VPS53: variants seen among roughly 807,000 people sequenced by gnomAD.
VPS53 encodes the protein VPS53 subunit of GARP complex.
VPS53 carries 70 observed loss-of-function variants against 107.0 expected under a neutral mutation model. That is an observed-to-expected ratio of 0.65 (90% CI 0.54 to 0.80). The LOEUF (loss-of-function observed/expected upper bound fraction) is 0.80. Ranked by LOEUF, VPS53 falls within the 30% of genes least tolerant of loss-of-function variation. The pLI, the probability that VPS53 is intolerant of heterozygous loss-of-function variation, is 0.00. For synonymous variants in VPS53, 409 were observed against 393.3 expected (o/e 1.04, Z -0.47); for missense variants, 917 against 1,049.4 (o/e 0.87, Z 1.74).
intron 12 of VPS53, among the ~76,000 whole-genome samples, chr17:590,032 T>C (rs1335193782): frequency 2.6e-5 from 4 of 152,214 alleles, no homozygotes; most frequent in Admixed American, 6.5e-5. Flanking sequence ...TCCCATTTGT[T>C]TGTATCCTCT....
chr17:682,849 TA>T (rs1175568142), intron 4 of VPS53, among the ~76,000 whole-genome samples: 6 of 135,012 alleles, frequency 4.4e-5, no homozygotes, highest in African/African-American at 1.9e-4. Context: ...TTGGTATAAA[TA>T]TTAGATAGGC....
intron 17 of VPS53, among the ~76,000 whole-genome samples, chr17:550,345 A>G (rs1274387705): frequency 1.3e-5 from 2 of 152,218 alleles, no homozygotes; most frequent in Admixed American, 6.5e-5. Flanking sequence ...ACAAGAGCCT[A>G]TGACTCTAGA....
intron 2 of VPS53, among the ~76,000 whole-genome samples, chr17:706,503 T>C (rs1331371816): frequency 6.6e-6 from 1 of 150,446 alleles, no homozygotes; most frequent in Non-Finnish European, 1.5e-5. Context: ...TGCTACTGCA[T>C]TCCATCCTGG....
chr17:530,845 A>G (rs970206767), intron 19 of VPS53, among the ~76,000 whole-genome samples: 1 of 152,202 alleles, frequency 6.6e-6, no homozygotes, highest in African/African-American at 2.4e-5. Flanking sequence ...GGGCCCAAAG[A>G]TAAAGAACTC....
chr17:610,687 G>A (rs542913025), intron 11 of VPS53, among the ~76,000 whole-genome samples: 10 of 151,608 alleles, frequency 6.6e-5, no homozygotes, highest in South Asian at 2.1e-4. Flanking sequence ...AGGTCGAGGC[G>A]GGTGGATCAC....
At chr17:596,377 C>T (rs534494650) in intron 12 of VPS53, among the ~76,000 whole-genome samples, 1 of 151,926 alleles carries the variant, frequency 6.6e-6, no homozygotes, top group East Asian at 1.9e-4. Flanking sequence ...TGCCACAGGC[C>T]CTGCCCTTGA....
At chr17:631,439 G>C (rs746860421) in intron 8 of VPS53, 111 bp downstream of exon 8, 2 of 1,137,638 alleles carry the variant, frequency 1.8e-6, no homozygotes, top group African/African-American at 3.0e-5. Flanking sequence ...AGAAGGATTT[G>C]CAGCTGCCAG....
At chr17:618,417 A>T (rs1969266848) in intron 11 of VPS53, among the ~76,000 whole-genome samples, 1 of 124,988 alleles carries the variant, frequency 8.0e-6, no homozygotes, top group Non-Finnish European at 1.7e-5. Flanking sequence ...CGCCCCACTA[A>T]TATTTCCCGG....
intron 4 of VPS53, among the ~76,000 whole-genome samples, chr17:668,268 C>T (rs1047519680): frequency 6.6e-6 from 1 of 152,172 alleles, no homozygotes; most frequent in Non-Finnish European, 1.5e-5. Flanking sequence ...GGTGATAAAT[C>T]ATATGGTCAC....
At chr17:570,324 C>T (rs553455782) in intron 13 of VPS53, among the ~76,000 whole-genome samples, 4 of 134,716 alleles carry the variant, frequency 3.0e-5, no homozygotes, top group African/African-American at 5.6e-5. Flanking sequence ...GAGTGGAGAT[C>T]GCACCACTGC....
Position 630,316 on chromosome 17 carries a change from A to C in VPS53, c.687+1234T>G, listed in dbSNP as rs149835156. ...AAAAAAAAACAAACAAACAAACAAAAAAAAAAACCTGAAACGGGCAGCTGA... is the reference window on the plus strand; with the variant it reads ...AAAAAAAAACAAACAAACAAACAAACAAAAAAACCTGAAACGGGCAGCTGA... On this transcript the variant is annotated intron_variant, in intron 8 of 21. Coordinates refer to ENST00000437048, the MANE Select transcript of VPS53 (RefSeq NM_001128159.3). Among the ~76,000 whole-genome samples the C allele has an allele frequency of 5.5e-3, 835 of 151,984 alleles. 4 individuals are homozygous for C. The highest frequency in any genetic ancestry group is 9.4e-3 in the African/African-American group (389 of 41,378).
In VPS53 at chr17:519,103, A is replaced by C; in HGVS notation, c.*25T>G. 1.4e-6 allele frequency: 2 copies of C among 1,478,114 alleles called. No individual in the cohort carries two copies. Among genetic ancestry groups the C allele is most frequent in the Non-Finnish European group, 1.8e-6 (2 of 1,109,226 alleles). The allele number at this position is 1,478,114 out of a possible 1,614,324, so 91.6% of individuals were successfully genotyped here. A position where few individuals can be genotyped will look rare whatever the true frequency, so the allele number is the denominator to read the frequency against. On this transcript the variant is annotated 3_prime_UTR_variant, in exon 22 of 22. Coordinates refer to ENST00000437048, the MANE Select transcript of VPS53 (RefSeq NM_001128159.3). The surrounding 1 kb of genome is among the most constrained non-coding windows in gnomAD (Gnocchi z 5.0). ...GAACGGGCGCTGAGGGTCTCCAGCC[A>C]GGAGCAAAGGGCCCCTTGCTGCTGC...
At position 516,838 on chromosome 17, in the gene VPS53, C is replaced by A. The variant is rs2151788635; in HGVS notation, c.*2290G>T. ...ATGTAACAAATCAAGACAGCAACTT[C>A]CCTGGCTGTGACCACCAACTGTGGA... On this transcript the variant is annotated 3_prime_UTR_variant, in exon 22 of 22. Transcript: ENST00000437048. The A allele has an allele frequency of 6.6e-6, 1 of 152,402 alleles. No homozygotes were observed. Among genetic ancestry groups the A allele is most frequent in the African/African-American group, 2.4e-5 (1 of 41,594 alleles). The allele number at this position is 152,402 out of a possible 1,614,324, so 9.4% of individuals were successfully genotyped here.
At chr17:684,107 G>A (rs1440049387) in intron 4 of VPS53, among the ~76,000 whole-genome samples, 2 of 152,086 alleles carry the variant, frequency 1.3e-5, no homozygotes, top group Non-Finnish European at 2.9e-5. Flanking sequence ...TGCATATTGT[G>A]GACCCAGGAC....
chr17:710,096 G>C (rs544022039), intron 2 of VPS53, among the ~76,000 whole-genome samples: 14 of 152,236 alleles, frequency 9.2e-5, no homozygotes, highest in Non-Finnish European at 1.8e-4. Context: ...AGTGAGCCGA[G>C]ACCGCGCCAT....
chr17:709,416 T>A (rs1410566763), intron 2 of VPS53, among the ~76,000 whole-genome samples: 2 of 152,236 alleles, frequency 1.3e-5, no homozygotes, highest in South Asian at 2.1e-4. Context: ...AATAAACGAC[T>A]GCTACGTTTT....
chr17:614,033 C>T (rs1010195761), intron 11 of VPS53, among the ~76,000 whole-genome samples: 2 of 152,200 alleles, frequency 1.3e-5, no homozygotes, highest in African/African-American at 4.8e-5. Flanking sequence ...AACCACACAT[C>T]GTAGCATCCG....
chr17:599,034 C>T (rs1377902401), intron 12 of VPS53, among the ~76,000 whole-genome samples: 1 of 128,258 alleles, frequency 7.8e-6, no homozygotes, highest in Non-Finnish European at 1.7e-5. Flanking sequence ...CCAGCCGCCC[C>T]ATCCGGGAGG....
intron 13 of VPS53, among the ~76,000 whole-genome samples, chr17:584,224 A>T (rs1567649611): frequency 1.3e-5 from 2 of 152,212 alleles, no homozygotes; most frequent in Non-Finnish European, 2.9e-5. Context: ...AGCCCAGGCC[A>T]GTCTGTCTCC....
Sources: gnomAD v4.1 joint callset for allele counts (sites outside exome capture counted in the v4.1 genomes callset) on GRCh38, gnomAD v4.1.1 for gene constraint, Gnocchi (gnomAD v3.1) non-coding constraint, MANE v1.5 for transcripts, NCBI Gene and HGNC (gene_info 2026-07-23, HGNC 2026-07-21) for gene names.